BIN1: variants seen among roughly 807,000 people sequenced by gnomAD.
BIN1 encodes bridging integrator 1.
Under a neutral mutation model 82.0 loss-of-function variants are expected in BIN1, and 53 were observed. The ratio of observed to expected loss-of-function variants is 0.65; its 90% confidence interval spans 0.52 to 0.81. The LOEUF (loss-of-function observed/expected upper bound fraction) is 0.81, where lower values mean the gene tolerates loss of function less well. Ranked by LOEUF, BIN1 falls within the 40% of genes least tolerant of loss-of-function variation. The probability of loss-of-function intolerance (pLI) is 0.00; values close to 1 mark genes in which losing one functional copy is unlikely to be tolerated. For missense variants in BIN1, 642 were observed against 784.4 expected (o/e 0.82, Z 2.17); for synonymous variants, 302 against 328.0 (o/e 0.92, Z 0.86).
rs181593003 is a variant in BIN1, at chr2:127,065,245, G to A, written c.613-1227C>T. Among the ~76,000 whole-genome samples the A allele has an allele frequency of 1.6e-3, 243 of 152,306 alleles. 2 individuals are homozygous for A. The highest frequency in any genetic ancestry group is 5.7e-3 in the African/African-American group (236 of 41,570). The stretch of plus-strand genomic sequence containing the variant: ...TACCTCCAGCTACTCGCTAGAGTGG[G>A]CGTGGGCTCCTTGCCTGGCTTTTCA... On this transcript the variant is annotated intron_variant, in intron 7 of 18. Transcript: ENST00000316724.
intron 2 of BIN1, among the ~76,000 whole-genome samples, chr2:127,072,288 T>C (rs946314497): frequency 6.6e-6 from 1 of 152,204 alleles, no homozygotes; most frequent in Non-Finnish European, 1.5e-5. Flanking sequence ...GGCCTCTCCC[T>C]GTCCTTAGCC....
intron 1 of BIN1, among the ~76,000 whole-genome samples, chr2:127,105,762 G>A (rs730294): frequency 0.35 from 52,772 of 152,124 alleles, 9,382 homozygotes; most frequent in Middle Eastern, 0.42. Flanking sequence ...GCCTGGCAGG[G>A]GAAGGCCGGC....
At position 127,059,652 on chromosome 2, in the gene BIN1, G is replaced by GT. The variant is rs1379207744; in HGVS notation, c.858-498dup. 6.6e-6 allele frequency among the ~76,000 whole-genome samples: 1 copy of GT among 152,130 alleles called. No homozygotes were observed. The highest frequency in any genetic ancestry group is 6.5e-5 in the Admixed American group (1 of 15,278). On this transcript the variant is annotated intron_variant, in intron 10 of 18. Transcript: ENST00000316724. This position sits in a 1 kb window ranked among gnomAD's most constrained non-coding sequence, Gnocchi z 6.7. Reference sequence around the variant, plus strand: ...CCTGCCTGTCCATCACAGCACCCTGGTACATGTCTCTAGACCTTGGCTCTC... The same window carrying GT: ...CCTGCCTGTCCATCACAGCACCCTGGTTACATGTCTCTAGACCTTGGCTCTC...
At chr2:127,078,194 G>A (rs1382150007) in intron 1 of BIN1, among the ~76,000 whole-genome samples, 3 of 144,220 alleles carry the variant, frequency 2.1e-5, no homozygotes, top group East Asian at 3.9e-4. Flanking sequence ...TCCCCCCCCA[G>A]CCAGGCCCAG....
Position 127,068,052 on chromosome 2 carries a change from AC to A in BIN1, c.612+110del. The A allele has an allele frequency of 1.8e-6, 2 of 1,141,712 alleles. No homozygotes were observed. The highest frequency in any genetic ancestry group is 2.6e-6 in the Non-Finnish European group (2 of 780,332). The allele number at this position is 1,141,712 out of a possible 1,614,324, so 70.7% of individuals were successfully genotyped here. On this transcript the variant is annotated intron_variant, in intron 7 of 18. Coordinates refer to ENST00000316724, the MANE Select transcript of BIN1 (RefSeq NM_139343.3). The surrounding 1 kb of genome is among the most constrained non-coding windows in gnomAD (Gnocchi z 4.9). Reference sequence around the variant, plus strand: ...CTCTCCCAGCAGAGGCCTTTGAAAAACCCTGCCCCAGCTGGGCTCAGATGCC... The same window carrying A: ...CTCTCCCAGCAGAGGCCTTTGAAAAACCTGCCCCAGCTGGGCTCAGATGCC...
chr2:127,057,498 T>G lies in BIN1; in HGVS notation c.1106A>C (p.Glu369Ala). ...CTGGGAGGGGGTGGTCACGCTGATCTCAGGGACAAACGTGTCCTCAAACAG... is the reference window on the plus strand; with the variant it reads ...CTGGGAGGGGGTGGTCACGCTGATCGCAGGGACAAACGTGTCCTCAAACAG... ...LSLFEDTFVP[E>A]ISVTTPSQFE... The change falls in exon 12 of 19, where the codon GAG becomes GCG. Residue 369 changes from glutamate to alanine, a missense_variant. Physicochemically the swap from Glu to Ala is moderately radical, Grantham distance 107. Coordinates refer to ENST00000316724, the MANE Select transcript of BIN1 (RefSeq NM_139343.3). The surrounding 1 kb of genome is among the most constrained non-coding windows in gnomAD (Gnocchi z 5.0). The G allele has an allele frequency of 1.9e-6, 3 of 1,547,854 alleles. No homozygotes were observed. The highest frequency in any genetic ancestry group is 2.6e-6 in the Non-Finnish European group (3 of 1,144,664).
intron 18 of BIN1, 48 bp from the exon 19 acceptor site, chr2:127,048,681 C>A: frequency 6.4e-7 from 1 of 1,570,000 alleles, no homozygotes; most frequent in Middle Eastern, 2.3e-4. Context: ...AGGGGCTCCA[C>A]CCCACAGGGC....
In BIN1 at chr2:127,059,066, G is replaced by C. The variant is rs1447549483; in HGVS notation, c.947C>G (p.Pro316Arg). The change falls in exon 11 of 19, where the codon CCA becomes CGA. Residue 316 changes from proline (P) to arginine (R), a missense_variant. Coordinates refer to ENST00000316724, the MANE Select transcript of BIN1 (RefSeq NM_139343.3). This position sits in a 1 kb window ranked among gnomAD's most constrained non-coding sequence, Gnocchi z 6.7. Reference sequence around the variant, plus strand: ...GGGCGTGGCCCCGCCGGCCGGCTCTGGCTCGTGGTTGACTCTGATCTCGGG... The same window carrying C: ...GGGCGTGGCCCCGCCGGCCGGCTCTCGCTCGTGGTTGACTCTGATCTCGGG... Reference protein sequence around the residue: ...ATPEIRVNHEPEPAGGATPGA... With the variant: ...ATPEIRVNHEREPAGGATPGA... The C allele has an allele frequency of 6.3e-7, 1 of 1,584,726 alleles. No individual in the cohort carries two copies. Among genetic ancestry groups the C allele is most frequent in the Non-Finnish European group, 8.6e-7 (1 of 1,166,156 alleles).
In BIN1 at chr2:127,062,188, T is replaced by G. The variant is rs1331854784; in HGVS notation, c.784A>C (p.Asn262His). ...FHKEMSKLNQ[N>H]LNDVLVGLEK... ...AGGCCGACCAGCACATCATTGAGGT[T>G]CTGGTTGAGCTGCAGGAGAGACAGT... is the stretch of plus-strand genomic sequence containing the variant. The change falls in exon 10 of 19, where the codon AAC becomes CAC. Residue 262 changes from asparagine to histidine, a missense_variant. Coordinates refer to ENST00000316724, the MANE Select transcript of BIN1 (RefSeq NM_139343.3). 3.7e-6 allele frequency: 6 copies of G among 1,607,760 alleles called. No individual in the cohort carries two copies. The highest frequency in any genetic ancestry group is 5.1e-6 in the Non-Finnish European group (6 of 1,177,206).
Position 127,059,627 on chromosome 2 carries a change from C to T in BIN1, c.858-472G>A, listed in dbSNP as rs999908016. 2.0e-5 allele frequency among the ~76,000 whole-genome samples: 3 copies of T among 152,174 alleles called. No individual in the cohort carries two copies. Among genetic ancestry groups the T allele is most frequent in the Admixed American group, 2.0e-4 (3 of 15,282 alleles). On this transcript the variant is annotated intron_variant, in intron 10 of 18. Coordinates refer to ENST00000316724, the MANE Select transcript of BIN1 (RefSeq NM_139343.3). The surrounding 1 kb of genome is among the most constrained non-coding windows in gnomAD (Gnocchi z 6.7). ...GTCTGCTCCCCAGCCTGCTGCCCTC[C>T]CTGCCTGTCCATCACAGCACCCTGG...
rs1234703661 is a variant in BIN1 at position 127,090,402 on chromosome 2, G to A, written c.85-13696C>T. On this transcript the variant is annotated intron_variant, in intron 1 of 18. Transcript: ENST00000316724. The surrounding 1 kb of genome is among the most constrained non-coding windows in gnomAD (Gnocchi z 6.4). ...CCGCGGGGCATCAGTGACACAGGGCGACCCTCCACCACTTCAGTTGTGCTG... is the reference window on the plus strand; with the variant it reads ...CCGCGGGGCATCAGTGACACAGGGCAACCCTCCACCACTTCAGTTGTGCTG... Among the ~76,000 whole-genome samples the A allele has an allele frequency of 6.6e-6, 1 of 152,244 alleles. No homozygotes were observed. The highest frequency in any genetic ancestry group is 2.4e-5 in the African/African-American group (1 of 41,470).
intron 1 of BIN1, among the ~76,000 whole-genome samples, chr2:127,101,937 C>T (rs756489323): frequency 6.6e-6 from 1 of 152,134 alleles, no homozygotes; most frequent in African/African-American, 2.4e-5. Context: ...GGCTAGGAAG[C>T]GGGGCCATGC....
chr2:127,054,215 T>G (rs1359184461), intron 12 of BIN1: 6 of 616,294 alleles, frequency 9.7e-6, no homozygotes, highest in Non-Finnish European at 1.8e-5. Flanking sequence ...ACGGGAGCAC[T>G]GCCCAAAGCC....
intron 2 of BIN1, among the ~76,000 whole-genome samples, chr2:127,073,306 G>C (rs547725247): frequency 4.6e-5 from 7 of 151,146 alleles, no homozygotes; most frequent in African/African-American, 1.7e-4. Flanking sequence ...AGAGCAGTGT[G>C]TGTTTGCTTC....
intron 1 of BIN1, among the ~76,000 whole-genome samples, chr2:127,087,111 T>A (rs1006145079): frequency 2.0e-5 from 3 of 152,220 alleles, no homozygotes; most frequent in Non-Finnish European, 1.5e-5. Context: ...CATCCTTAAC[T>A]GACAATAAAA....
intron 14 of BIN1, 128 bp from the exon 15 acceptor site, chr2:127,052,490 C>T: frequency 1.2e-6 from 1 of 834,384 alleles, no homozygotes; most frequent in South Asian, 1.7e-5. Flanking sequence ...AGGGTGGGTA[C>T]CAGCGGAGCC....
chr2:127,078,790 T>A (rs13394753), intron 1 of BIN1, among the ~76,000 whole-genome samples: 28,225 of 151,842 alleles, frequency 0.19, 2,847 homozygotes, highest in South Asian at 0.26. Flanking sequence ...CTGGGGAGGT[T>A]CCTCACCCGG....
rs2105055722 is a variant in BIN1, at chr2:127,068,716, G to A, written c.519+208C>T. Among the ~76,000 whole-genome samples, 1 of 152,290 alleles carries A rather than the reference G, an allele frequency of 6.6e-6. No homozygotes were observed. Among genetic ancestry groups the A allele is most frequent in the South Asian group, 2.1e-4 (1 of 4,828 alleles). On this transcript the variant is annotated intron_variant, in intron 6 of 18. Coordinates refer to ENST00000316724, the MANE Select transcript of BIN1 (RefSeq NM_139343.3). This position sits in a 1 kb window ranked among gnomAD's most constrained non-coding sequence, Gnocchi z 4.9. ...TGGATCAGGGCTGAGGGGCCAGGGT[G>A]GCACGGGGGGCAGGAATGGGCCTAG...
At chr2:127,051,128 G>A in intron 16 of BIN1, 26 bp downstream of exon 16, 1 of 1,612,146 alleles carries the variant, frequency 6.2e-7, no homozygotes. Flanking sequence ...GGAGGAAAAG[G>A]CAGGGCTTTG....
Sources: gnomAD v4.1 joint callset for allele counts (sites outside exome capture counted in the v4.1 genomes callset) on GRCh38, gnomAD v4.1.1 for gene constraint, Gnocchi (gnomAD v3.1) non-coding constraint, MANE v1.5 for transcripts, NCBI Gene and HGNC (gene_info 2026-07-23, HGNC 2026-07-21) for gene names.